Variants in ZFYVE16 observed in about 807,000 individuals in gnomAD.
ZFYVE16 encodes zinc finger FYVE-type containing 16.
Under a neutral mutation model 138.1 loss-of-function variants are expected in ZFYVE16, and 89 were observed. That is an observed-to-expected ratio of 0.64 (90% CI 0.54 to 0.77). The LOEUF is 0.77. Ranked by LOEUF, ZFYVE16 falls within the 30% of genes least tolerant of loss-of-function variation. The pLI is 0.00. For missense variants in ZFYVE16, 1,793 were observed against 1,786.7 expected (o/e 1.00, Z -0.06); for synonymous variants, 596 against 618.3 (o/e 0.96, Z 0.53).
chr5:80,454,990 A>G (rs541054664), intron 11 of ZFYVE16: 9 of 152,238 alleles, frequency 5.9e-5, no homozygotes, highest in African/African-American at 1.9e-4. Context: ...CACCCCCTAT[A>G]ATTTTGTGGA....
intron 18 of ZFYVE16, among the ~76,000 whole-genome samples, chr5:80,476,863 A>T (rs904620775): frequency 1.3e-5 from 2 of 152,216 alleles, no homozygotes; most frequent in East Asian, 3.8e-4. Context: ...TATTGCAACA[A>T]CAAATTTGAA....
intron 15 of ZFYVE16, among the ~76,000 whole-genome samples, chr5:80,463,348 C>T (rs887586800): frequency 7.2e-5 from 11 of 152,224 alleles, no homozygotes; most frequent in Admixed American, 6.5e-4. Context: ...GCCACCAAAG[C>T]TTGGGGCATG....
chr5:80,419,575 C>T (rs573096568), intron 1 of ZFYVE16, among the ~76,000 whole-genome samples: 1 of 152,212 alleles, frequency 6.6e-6, no homozygotes, highest in Admixed American at 6.5e-5. Context: ...GACAGGGTTT[C>T]ACCATGTTGG....
chr5:80,445,540 G>A, intron 7 of ZFYVE16, 135 bp downstream of exon 7: 1 of 760,986 alleles, frequency 1.3e-6, no homozygotes, highest in Non-Finnish European at 2.0e-6. Context: ...TATTGATATA[G>A]TGAATATATT....
chr5:80,463,315 T>G (rs1367850238), intron 15 of ZFYVE16, among the ~76,000 whole-genome samples: 2 of 152,226 alleles, frequency 1.3e-5, no homozygotes, highest in Non-Finnish European at 2.9e-5. Flanking sequence ...TCTGTACACC[T>G]GTAGGCGCAA....
chr5:80,412,470 T>A (rs259055), intron 1 of ZFYVE16, among the ~76,000 whole-genome samples: 120,749 of 152,100 alleles, frequency 0.79, 50,364 homozygotes, highest in East Asian at 0.92. Flanking sequence ...ACTGATTGAT[T>A]GAAATGGGAA....
intron 10 of ZFYVE16, 119 bp from the exon 11 acceptor site, chr5:80,451,366 A>G: frequency 1.4e-6 from 1 of 721,274 alleles, no homozygotes; most frequent in Non-Finnish European, 2.2e-6. Context: ...CAGACAGTTT[A>G]TATTGGGACA....
intron 15 of ZFYVE16, among the ~76,000 whole-genome samples, chr5:80,469,094 CTTT>C (rs60001690): frequency 2.9e-5 from 4 of 136,584 alleles, no homozygotes; most frequent in Non-Finnish European, 3.1e-5. Context: ...TTCTTTCTCT[CTTT>C]TTTTTTTTTT....
At chr5:80,474,981 T>TGA in intron 18 of ZFYVE16, 151 bp downstream of exon 18, 1 of 860,300 alleles carries the variant, frequency 1.2e-6, no homozygotes, top group Non-Finnish European at 1.7e-6. Context: ...TCTGTATTAG[T>TGA]CTCCACAACA....
intron 3 of ZFYVE16, among the ~76,000 whole-genome samples, chr5:80,435,166 C>T (rs140781037): frequency 0.016 from 2,469 of 152,328 alleles, 72 homozygotes; most frequent in African/African-American, 0.056. Flanking sequence ...TCCCGAGTAG[C>T]TGGGACTACA....
chr5:80,431,312 A>G (rs1354040355), intron 2 of ZFYVE16, among the ~76,000 whole-genome samples: 2 of 152,260 alleles, frequency 1.3e-5, no homozygotes, highest in Admixed American at 1.3e-4. Context: ...GTAATCCAGC[A>G]TATAAACAGA....
intron 14 of ZFYVE16, 96 bp from the exon 15 acceptor site, chr5:80,459,318 T>A (rs1752861161): frequency 1.1e-6 from 1 of 891,154 alleles, no homozygotes; most frequent in Non-Finnish European, 1.7e-6. Flanking sequence ...TAACATTTAT[T>A]GAGTACTTAT....
intron 2 of ZFYVE16, among the ~76,000 whole-genome samples, chr5:80,433,311 A>G (rs1252791398): frequency 6.6e-6 from 1 of 152,164 alleles, no homozygotes; most frequent in East Asian, 1.9e-4. Context: ...GCTGGAAACC[A>G]TCATTCTCAG....
rs1750479552 is a variant in ZFYVE16 at position 80,439,946 on chromosome 5, G to T, written c.2333G>T (p.Gly778Val). ...HCRACGKVFC[G>V]VCCNRKCKLQ... ...TTTTATTCTTTATAGGTATTTTGTG[G>T]TGTCTGTTGTAATAGGAAGTGTAAA... The change falls in exon 5 of 19, where the codon GGT becomes GTT. Residue 778 changes from glycine (G) to valine (V), a missense_variant. Gly to Val is a moderately radical substitution (Grantham distance 109). Coordinates refer to ENST00000505560, the MANE Select transcript of ZFYVE16 (RefSeq NM_001284236.3). The T allele has an allele frequency of 6.2e-7, 1 of 1,607,220 alleles. No individual in the cohort carries two copies. Among genetic ancestry groups the T allele is most frequent in the Non-Finnish European group, 8.5e-7 (1 of 1,176,608 alleles).
Position 80,437,546 on chromosome 5 carries a change from A to G in ZFYVE16, c.861A>G (p.Ile287Met), listed in dbSNP as rs1161639419. The G allele has an allele frequency of 2.5e-6, 4 of 1,613,954 alleles. No individual in the cohort carries two copies. Among genetic ancestry groups the G allele is most frequent in the Admixed American group, 3.3e-5 (2 of 59,966 alleles). Residue 287 changes from isoleucine to methionine, a missense_variant, in exon 4 of 19, where the codon ATA (isoleucine) becomes ATG (methionine). By Grantham distance (10) the Ile-to-Met change is conservative. This residue lies in a region of ZFYVE16 where 1,295 missense variants were observed against 1,204.3 expected (regional missense o/e 1.08). Transcript: ENST00000505560. Reference protein sequence around the residue: ...LVKEEVDVAVITAAECLKEEG... With the variant: ...LVKEEVDVAVMTAAECLKEEG... ...AAGAGGAAGTAGATGTGGCAGTCAT[A>G]ACTGCCGCAGAATGTTTAAAAGAAG...
In ZFYVE16 at chr5:80,456,981, A is replaced by C. The variant is rs147397945; in HGVS notation, c.3832A>C (p.Ile1278Leu). 88 of 1,608,454 alleles carry C rather than the reference A, an allele frequency of 5.5e-5. No individual in the cohort carries two copies. Among genetic ancestry groups the C allele is most frequent in the Non-Finnish European group, 7.4e-5 (87 of 1,178,642 alleles). ...ACTAAATTCTTCCAATGAGCATGTC[A>C]TTAGCATTGGAGCAAGTTTCAGTAC... is the stretch of plus-strand genomic sequence containing the variant. ...KVLNSSNEHV[I>L]SIGASFSTEA... Residue 1278 changes from isoleucine to leucine, a missense_variant, in exon 14 of 19, where the codon ATT becomes CTT. Physicochemically the swap from Ile to Leu is conservative, Grantham distance 5. This residue lies in a region of ZFYVE16 where 498 missense variants were observed against 582.4 expected (regional missense o/e 0.86). Coordinates refer to ENST00000505560, the MANE Select transcript of ZFYVE16 (RefSeq NM_001284236.3).
chr5:80,436,470 A>G (rs559876031), intron 3 of ZFYVE16, among the ~76,000 whole-genome samples: 1 of 152,284 alleles, frequency 6.6e-6, no homozygotes, highest in South Asian at 2.1e-4. Context: ...ATTTTAAGCA[A>G]TAGGGGTGTA....
At chr5:80,457,434 G>A (rs889490126) in intron 14 of ZFYVE16, among the ~76,000 whole-genome samples, 2 of 152,128 alleles carry the variant, frequency 1.3e-5, no homozygotes, top group African/African-American at 4.8e-5. Flanking sequence ...CTCTTAGTTG[G>A]TGGAGCACAG....
chr5:80,416,287 G>C (rs1473008973), intron 1 of ZFYVE16, among the ~76,000 whole-genome samples: 1 of 106,618 alleles, frequency 9.4e-6, no homozygotes, highest in African/African-American at 3.7e-5. Flanking sequence ...ACAAAGTCTC[G>C]CTCTGTTGCC....
Sources: gnomAD v4.1 joint callset for allele counts (sites outside exome capture counted in the v4.1 genomes callset) on GRCh38, gnomAD v4.1.1 for gene constraint, gnomAD v4.1.1 regional missense constraint, MANE v1.5 for transcripts, NCBI Gene and HGNC (gene_info 2026-07-23, HGNC 2026-07-21) for gene names.